ATXN10: variants seen among roughly 807,000 people sequenced by gnomAD.
ATXN10 encodes the protein ataxin-10.
A neutral mutation model predicts 52.9 loss-of-function variants in ATXN10; 28 were observed. That is an observed-to-expected ratio of 0.53 (90% confidence interval 0.39 to 0.73). ATXN10 has a LOEUF of 0.73. Ranked by LOEUF, ATXN10 falls within the 30% of genes least tolerant of loss-of-function variation. The probability of loss-of-function intolerance (pLI) is 0.00; values close to 1 mark genes in which losing one functional copy is unlikely to be tolerated. For missense variants in ATXN10, 565 were observed against 577.0 expected (o/e 0.98, Z 0.21); for synonymous variants, 226 against 221.5 (o/e 1.02, Z -0.18).
At chr22:45,752,396 C>T (rs1926010211) in intron 9 of ATXN10, among the ~76,000 whole-genome samples, 1 of 152,152 alleles carries the variant, frequency 6.6e-6, no homozygotes, top group African/African-American at 2.4e-5. Context: ...AATGGCTCTA[C>T]TTGGAACTTC....
chr22:45,750,860 G>T lies in ATXN10; in HGVS notation c.1173+10322G>T, dbSNP rs572633220. ...AAGCTTGTAAAAAAGCTTATGTAAA[G>T]AGTTTTTCTCCATGATAAGAAGAGA... On this transcript the variant is annotated intron_variant, in intron 9 of 11. Coordinates refer to ENST00000252934, the MANE Select transcript of ATXN10 (RefSeq NM_013236.4). This position sits in a 1 kb window ranked among gnomAD's most constrained non-coding sequence, Gnocchi z 4.2. Among the ~76,000 whole-genome samples, 4 of 152,288 alleles carry T rather than the reference G, an allele frequency of 2.6e-5. No individual in the cohort carries two copies. Among genetic ancestry groups the T allele is most frequent in the African/African-American group, 9.6e-5 (4 of 41,576 alleles).
intron 7 of ATXN10, among the ~76,000 whole-genome samples, chr22:45,734,869 A>ATATTATTATTAT (rs10625108): frequency 0.083 from 11,795 of 142,284 alleles, 1,268 homozygotes; most frequent in African/African-American, 0.25. Context: ...GAAATGGGTT[A>ATATTATTATTAT]TATTATTATT....
rs1351340282 is a variant in ATXN10 at position 45,708,024 on chromosome 22, GTTTC to G, written c.647+5180_647+5183del. 6.6e-6 allele frequency among the ~76,000 whole-genome samples: 1 copy of G among 152,066 alleles called. No homozygotes were observed. Among genetic ancestry groups the G allele is most frequent in the East Asian group, 1.9e-4 (1 of 5,192 alleles). Reference sequence around the variant, plus strand: ...TATGTTTTCTTTTCTTCCTTTGCTTGTTTCTTAGAAAAGGGCAAATGTGATTCCA... The same window carrying G: ...TATGTTTTCTTTTCTTCCTTTGCTTGTTAGAAAAGGGCAAATGTGATTCCA... On this transcript the variant is annotated intron_variant, in intron 5 of 11. Coordinates refer to ENST00000252934, the MANE Select transcript of ATXN10 (RefSeq NM_013236.4). The surrounding 1 kb of genome is among the most constrained non-coding windows in gnomAD (Gnocchi z 5.3).
chr22:45,714,929 A>G (rs1924389528), intron 5 of ATXN10, among the ~76,000 whole-genome samples: 2 of 152,164 alleles, frequency 1.3e-5, no homozygotes, highest in African/African-American at 4.8e-5. Flanking sequence ...TGGTCCCGGC[A>G]ACAGAGCACT....
intron 3 of ATXN10, among the ~76,000 whole-genome samples, chr22:45,697,499 C>T (rs535649153): frequency 6.6e-6 from 1 of 152,238 alleles, no homozygotes. Flanking sequence ...CTCCCTGTAG[C>T]CCCTGGCAAC....
At position 45,816,886 on chromosome 22, in the gene ATXN10, A is replaced by G. The variant is rs1026144451; in HGVS notation, c.1237+9864A>G. Among the ~76,000 whole-genome samples, 1 of 150,826 alleles carries G rather than the reference A, an allele frequency of 6.6e-6. No individual in the cohort carries two copies. The highest frequency in any genetic ancestry group is 2.4e-5 in the African/African-American group (1 of 40,988). On this transcript the variant is annotated intron_variant, in intron 10 of 11. Transcript: ENST00000252934. The surrounding 1 kb of genome is among the most constrained non-coding windows in gnomAD (Gnocchi z 5.8). ...AATGTAGGAACATGTTCTGTTCTGT[A>G]CTCTTCTTGGTGGAGAATCTAGCGT...
At position 45,818,890 on chromosome 22, in the gene ATXN10, C is replaced by T. The variant is rs1213196102; in HGVS notation, c.1237+11868C>T. On this transcript the variant is annotated intron_variant, in intron 10 of 11. Transcript: ENST00000252934. The surrounding 1 kb of genome is among the most constrained non-coding windows in gnomAD (Gnocchi z 4.6). ...TTAGAGCCAAGCCCCGTGACTGATG[C>T]AGGCTGATGGCAGCATCCTGGGGCC... Among the ~76,000 whole-genome samples, 4 of 152,194 alleles carry T rather than the reference C, an allele frequency of 2.6e-5. No homozygotes were observed. The highest frequency in any genetic ancestry group is 9.7e-5 in the African/African-American group (4 of 41,450).
chr22:45,682,910 GCC>G (rs1326554773), intron 1 of ATXN10, among the ~76,000 whole-genome samples: 1 of 152,118 alleles, frequency 6.6e-6, no homozygotes, highest in Non-Finnish European at 1.5e-5. Context: ...TCCAAAAACA[GCC>G]CCCTAACTGG....
Position 45,824,408 on chromosome 22 carries a change from T to A in ATXN10, c.1237+17386T>A, listed in dbSNP as rs16994576. ...TAACATTGTAGCTTTTATAGTACTT[T>A]GTAATTATGTGTTTATTTCTCTGCA... On this transcript the variant is annotated intron_variant, in intron 10 of 11. Transcript: ENST00000252934. This position sits in a 1 kb window ranked among gnomAD's most constrained non-coding sequence, Gnocchi z 5.2. Among the ~76,000 whole-genome samples, 1 of 152,228 alleles carries A rather than the reference T, an allele frequency of 6.6e-6. No homozygotes were observed. The highest frequency in any genetic ancestry group is 2.4e-5 in the African/African-American group (1 of 41,458).
At chr22:45,764,170 ATCT>A (rs1222625825) in intron 9 of ATXN10, among the ~76,000 whole-genome samples, 1 of 152,072 alleles carries the variant, frequency 6.6e-6, no homozygotes, top group African/African-American at 2.4e-5. Context: ...TGCAGGAATC[ATCT>A]TCTCCCTCCC....
At chr22:45,745,579 T>C (rs944122222) in intron 9 of ATXN10, among the ~76,000 whole-genome samples, 5 of 152,242 alleles carry the variant, frequency 3.3e-5, no homozygotes, top group Non-Finnish European at 7.3e-5. Context: ...AAGTTCAACA[T>C]GTAAAGACAA....
At chr22:45,700,879 G>A (rs895668504) in intron 4 of ATXN10, among the ~76,000 whole-genome samples, 21 of 152,212 alleles carry the variant, frequency 1.4e-4, no homozygotes, top group African/African-American at 4.8e-4. Context: ...GTTTATCCAT[G>A]TAAGAAGTGA....
At chr22:45,697,430 C>A (rs35844185) in intron 3 of ATXN10, among the ~76,000 whole-genome samples, 1 of 151,216 alleles carries the variant, frequency 6.6e-6, no homozygotes. Flanking sequence ...CCGCTGCGTC[C>A]GGCCTAAAAA....
At position 45,766,713 on chromosome 22, in the gene ATXN10, T is replaced by G. The variant is rs1171474717; in HGVS notation, c.1173+26175T>G. On this transcript the variant is annotated intron_variant, in intron 9 of 11. Transcript: ENST00000252934. This position sits in a 1 kb window ranked among gnomAD's most constrained non-coding sequence, Gnocchi z 4.6. ...AAAAAGTTGGATGACAAGAAGCAAA[T>G]AAGCACATAAAATGATAAAGAAAAA... Among the ~76,000 whole-genome samples, 4 of 151,808 alleles carry G rather than the reference T, an allele frequency of 2.6e-5. No individual in the cohort carries two copies. The highest frequency in any genetic ancestry group is 9.7e-5 in the African/African-American group (4 of 41,290).
Position 45,727,391 on chromosome 22 carries a change from C to T in ATXN10, c.729-2034C>T, listed in dbSNP as rs1422638337. 1.3e-5 allele frequency among the ~76,000 whole-genome samples: 2 copies of T among 148,518 alleles called. No individual in the cohort carries two copies. The highest frequency in any genetic ancestry group is 5.0e-5 in the African/African-American group (2 of 40,250). The stretch of plus-strand genomic sequence containing the variant: ...TCTATCTATCTGAGACTGAGTCTCG[C>T]TCTGTTGCCCAGGCTGGGGTGCAGT... On this transcript the variant is annotated intron_variant, in intron 6 of 11. Coordinates refer to ENST00000252934, the MANE Select transcript of ATXN10 (RefSeq NM_013236.4). This position sits in a 1 kb window ranked among gnomAD's most constrained non-coding sequence, Gnocchi z 4.6.
In ATXN10 at chr22:45,816,363, C is replaced by G. The variant is rs1422384870; in HGVS notation, c.1237+9341C>G. On this transcript the variant is annotated intron_variant, in intron 10 of 11. Transcript: ENST00000252934. The surrounding 1 kb of genome is among the most constrained non-coding windows in gnomAD (Gnocchi z 5.8). ...GTAGCTCCTTGGGAAACAGATACCT[C>G]TCCCGTTTCCTCTCTTTCCTCCTTT... Among the ~76,000 whole-genome samples the G allele has an allele frequency of 6.6e-6, 1 of 152,238 alleles. No homozygotes were observed. The highest frequency in any genetic ancestry group is 1.5e-5 in the Non-Finnish European group (1 of 68,044).
intron 10 of ATXN10, among the ~76,000 whole-genome samples, chr22:45,821,360 A>C (rs1341453823): frequency 3.9e-5 from 6 of 151,914 alleles, no homozygotes; most frequent in Non-Finnish European, 5.9e-5. Flanking sequence ...AAAAAAAAAA[A>C]AAAAAAACGA....
rs1470908311 is a variant in ATXN10 at position 45,770,398 on chromosome 22, G to A, written c.1173+29860G>A. On this transcript the variant is annotated intron_variant, in intron 9 of 11. Transcript: ENST00000252934. The surrounding 1 kb of genome is among the most constrained non-coding windows in gnomAD (Gnocchi z 4.5). ...TGGGACAGGTGATGTGAAAAAGAGG[G>A]GGGTATGTGATGAATATACACACTA... Among the ~76,000 whole-genome samples, 1 of 152,180 alleles carries A rather than the reference G, an allele frequency of 6.6e-6. No individual in the cohort carries two copies. The highest frequency in any genetic ancestry group is 2.4e-5 in the African/African-American group (1 of 41,418).
At position 45,775,945 on chromosome 22, in the gene ATXN10, T is replaced by C. The variant is rs1330590123; in HGVS notation, c.1174-31014T>C. On this transcript the variant is annotated intron_variant, in intron 9 of 11. Coordinates refer to ENST00000252934, the MANE Select transcript of ATXN10 (RefSeq NM_013236.4). The surrounding 1 kb of genome is among the most constrained non-coding windows in gnomAD (Gnocchi z 4.7). ...AGTGGAGCCACCATGGGCACCGACA[T>C]CTGTGGCCACTCCACAGCCCATTGG... 6.6e-6 allele frequency among the ~76,000 whole-genome samples: 1 copy of C among 152,152 alleles called. No homozygotes were observed. The highest frequency in any genetic ancestry group is 2.4e-5 in the African/African-American group (1 of 41,444).
Sources: gnomAD v4.1 joint callset for allele counts (sites outside exome capture counted in the v4.1 genomes callset) on GRCh38, gnomAD v4.1.1 for gene constraint, Gnocchi (gnomAD v3.1) non-coding constraint, MANE v1.5 for transcripts, NCBI Gene and HGNC (gene_info 2026-07-23, HGNC 2026-07-21) for gene names.